GPC5: variants seen among roughly 807,000 people sequenced by gnomAD.
GPC5 encodes the protein glypican-5.
Under a neutral mutation model 53.9 loss-of-function variants are expected in GPC5, and 47 were observed. The ratio of observed to expected loss-of-function variants is 0.87; its 90% CI spans 0.69 to 1.11. GPC5 has a LOEUF of 1.11. GPC5 is among the 50% of genes most tolerant of loss of function. GPC5 has a pLI of 0.00. For missense variants in GPC5, 748 were observed against 713.1 expected, an observed-to-expected ratio of 1.05 and a Z score of -0.56; for synonymous variants, 286 against 263.3, an observed-to-expected ratio of 1.09 and a Z score of -0.84.
At chr13:91,867,304 A>C (rs2039095814) in intron 5 of GPC5, among the ~76,000 whole-genome samples, 1 of 152,212 alleles carries the variant, frequency 6.6e-6, no homozygotes, top group East Asian at 1.9e-4. Flanking sequence ...GTCCCAGTGG[A>C]AACAGGGAAT....
At chr13:91,595,557 C>T (rs1329372932) in intron 2 of GPC5, among the ~76,000 whole-genome samples, 1 of 152,124 alleles carries the variant, frequency 6.6e-6, no homozygotes, top group Admixed American at 6.5e-5. Flanking sequence ...TCTCTTTCCT[C>T]TTGTGTTTTC....
At chr13:92,008,212 G>A (rs905173685) in intron 6 of GPC5, among the ~76,000 whole-genome samples, 1 of 151,962 alleles carries the variant, frequency 6.6e-6, no homozygotes, top group South Asian at 2.1e-4. Context: ...ACAGGCGCCC[G>A]CTACCACGCC....
chr13:92,632,517 T>TAC (rs542362175), intron 7 of GPC5, among the ~76,000 whole-genome samples: 1 of 147,324 alleles, frequency 6.8e-6, no homozygotes, highest in Non-Finnish European at 1.5e-5. Context: ...CACATATACA[T>TAC]ACACACACAC....
chr13:91,942,724 A>G (rs1460553937), intron 6 of GPC5, among the ~76,000 whole-genome samples: 16 of 151,808 alleles, frequency 1.1e-4, no homozygotes, highest in South Asian at 6.2e-4. Flanking sequence ...AATGTTTTGT[A>G]TGTGTGTGTG....
chr13:91,607,266 C>T (rs150243255), intron 2 of GPC5, among the ~76,000 whole-genome samples: 9 of 152,258 alleles, frequency 5.9e-5, no homozygotes, highest in South Asian at 2.1e-4. Context: ...AGAACCATAT[C>T]GATCTGTGGT....
intron 6 of GPC5, among the ~76,000 whole-genome samples, chr13:91,929,526 G>T (rs1234567158): frequency 4.6e-5 from 7 of 152,134 alleles, no homozygotes; most frequent in Middle Eastern, 3.4e-3. Context: ...ACTCTTTCAT[G>T]TTTCATTGCC....
chr13:92,092,256 A>G (rs1401337735), intron 6 of GPC5, among the ~76,000 whole-genome samples: 1 of 152,200 alleles, frequency 6.6e-6, no homozygotes, highest in Non-Finnish European at 1.5e-5. Context: ...TTATGCTTAC[A>G]TATATTTGTA....
Position 91,655,537 on chromosome 13 carries a change from T to A in GPC5, c.326-37650T>A, listed in dbSNP as rs563449909. ...AGGCATTTAATCATATATAATCATA[T>A]ATCTCAAAAGATATTTAAAAATTAA... On this transcript the variant is annotated intron_variant, in intron 2 of 7. Transcript: ENST00000377067. Among the ~76,000 whole-genome samples, 8 of 152,232 alleles carry A rather than the reference T, an allele frequency of 5.3e-5. No individual in the cohort carries two copies. The South Asian group carries it at 1.2e-3, about 24-fold the overall frequency.
At chr13:92,503,023 A>G (rs1056591293) in intron 7 of GPC5, among the ~76,000 whole-genome samples, 2 of 152,010 alleles carry the variant, frequency 1.3e-5, no homozygotes, top group Non-Finnish European at 2.9e-5. Flanking sequence ...AATAACAAAG[A>G]TAACAGGAAC....
At chr13:91,537,821 C>T (rs1168567155) in intron 2 of GPC5, among the ~76,000 whole-genome samples, 4 of 152,132 alleles carry the variant, frequency 2.6e-5, no homozygotes. Flanking sequence ...TACAACATTA[C>T]CAAGTGGAAT....
intron 2 of GPC5, among the ~76,000 whole-genome samples, chr13:91,685,618 T>C (rs76078687): frequency 0.021 from 3,159 of 152,304 alleles, 98 homozygotes; most frequent in African/African-American, 0.068. Flanking sequence ...ACTTTATCTT[T>C]TACTCTGTAG....
At chr13:91,871,778 C>T (rs9523441) in intron 5 of GPC5, among the ~76,000 whole-genome samples, 91,782 of 151,450 alleles carry the variant, frequency 0.61, 28,492 homozygotes, top group East Asian at 0.96. Context: ...TTCCTTTACA[C>T]AGTAATGGAG....
At chr13:91,683,530 G>A (rs1294896667) in intron 2 of GPC5, among the ~76,000 whole-genome samples, 5 of 152,126 alleles carry the variant, frequency 3.3e-5, no homozygotes, top group African/African-American at 9.7e-5. Context: ...TTTGCCTGCC[G>A]GAAGAGTCAC....
At position 92,424,006 on chromosome 13, in the gene GPC5, T is replaced by TA. The variant is rs79027417; in HGVS notation, c.1561+279025dup. 9.9e-5 allele frequency among the ~76,000 whole-genome samples: 15 copies of TA among 151,958 alleles called. No homozygotes were observed. The South Asian group carries it at 2.7e-3, about 27-fold the overall frequency. Reference sequence around the variant, plus strand: ...TATTTCTGCATTATTGTGTAATGAGTAAAAAAAATCAAGTTTTGTGTAAGA... The same window carrying TA: ...TATTTCTGCATTATTGTGTAATGAGTAAAAAAAAATCAAGTTTTGTGTAAGA... On this transcript the variant is annotated intron_variant, in intron 7 of 7. Transcript: ENST00000377067.
chr13:92,361,104 G>A (rs570109334), intron 7 of GPC5, among the ~76,000 whole-genome samples: 1 of 151,782 alleles, frequency 6.6e-6, no homozygotes, highest in East Asian at 1.9e-4. Flanking sequence ...CGCTGAATCT[G>A]CCATTTACTT....
chr13:91,542,850 A>AT (rs3055888), intron 2 of GPC5, among the ~76,000 whole-genome samples: 9,213 of 68,266 alleles, frequency 0.13, 668 homozygotes, highest in Middle Eastern at 0.21. Context: ...TGCCCAGCCA[A>AT]TTTTTTTTTT....
intron 2 of GPC5, among the ~76,000 whole-genome samples, chr13:91,603,432 C>G (rs1275879308): frequency 1.3e-5 from 2 of 152,196 alleles, no homozygotes; most frequent in Non-Finnish European, 1.5e-5. Flanking sequence ...TGACAAACAC[C>G]AAGGTGCAGT....
rs548147118 is a variant in GPC5, at chr13:92,365,707, C to T, written c.1561+220718C>T. ...TAAATTTTTTGTTAAAAATCTAAGA[C>T]GAACACATTAGCCTAAGTCTACACT... On this transcript the variant is annotated intron_variant, in intron 7 of 7. Coordinates refer to ENST00000377067, the MANE Select transcript of GPC5 (RefSeq NM_004466.6). Among the ~76,000 whole-genome samples, 61 of 149,128 alleles carry T rather than the reference C, an allele frequency of 4.1e-4. 2 individuals are homozygous for T. Among genetic ancestry groups the T allele is most frequent in the African/African-American group, 1.2e-3 (49 of 39,896 alleles).
At chr13:92,205,555 T>C (rs994690939) in intron 7 of GPC5, among the ~76,000 whole-genome samples, 1 of 152,154 alleles carries the variant, frequency 6.6e-6, no homozygotes, top group East Asian at 1.9e-4. Flanking sequence ...AATTCAGACC[T>C]CTCTTTGGGC....
Sources: gnomAD v4.1 joint callset for allele counts (sites outside exome capture counted in the v4.1 genomes callset) on GRCh38, gnomAD v4.1.1 for gene constraint, MANE v1.5 for transcripts, NCBI Gene and HGNC (gene_info 2026-07-23, HGNC 2026-07-21) for gene names.